FAT4: variants seen among roughly 807,000 people sequenced by gnomAD.
FAT4 encodes the protein protocadherin Fat 4.
FAT4 carries 84 observed loss-of-function variants against 303.9 expected under a neutral mutation model. That is an observed-to-expected ratio of 0.28 (90% CI 0.23 to 0.33). The LOEUF (loss-of-function observed/expected upper bound fraction) is 0.33. FAT4 is among the 10% of genes least tolerant of loss of function. FAT4 has a pLI of 1.00. For synonymous variants in FAT4, 2,307 were observed against 2,298.8 expected (o/e 1.00, Z -0.10); for missense variants, 6,005 against 6,146.8 (o/e 0.98, Z 0.77).
At chr4:125,353,108 A>G (rs565692762) in intron 2 of FAT4, among the ~76,000 whole-genome samples, 1 of 151,786 alleles carries the variant, frequency 6.6e-6, no homozygotes, top group Non-Finnish European at 1.5e-5. Flanking sequence ...AAACATTGTT[A>G]ATACTAATAA....
In FAT4 at chr4:125,318,720, A is replaced by T. The variant is rs200550937; in HGVS notation, c.2309A>T (p.Asn770Ile). 9.3e-6 allele frequency: 15 copies of T among 1,614,056 alleles called. No individual in the cohort carries two copies. The highest frequency in any genetic ancestry group is 1.3e-5 in the Non-Finnish European group (15 of 1,179,946). The change falls in exon 2 of 18, where the codon AAT (asparagine) becomes ATT (isoleucine). Residue 770 changes from asparagine to isoleucine, a missense_variant. Coordinates refer to ENST00000394329, the MANE Select transcript of FAT4 (RefSeq NM_001291303.3). ...QLQIVATDGGNLQSPNQAIVT... is the reference protein window; with the variant it reads ...QLQIVATDGGILQSPNQAIVT... ...CAAATAGTAGCTACTGATGGTGGCA[A>T]TTTACAATCTCCCAACCAGGCAATA...
chr4:125,320,640 T>C lies in FAT4; in HGVS notation c.4229T>C (p.Val1410Ala), dbSNP rs1388012345. Residue 1410 changes from valine to alanine, a missense_variant, in exon 2 of 18, where the codon GTG becomes GCG. By Grantham distance (64) the Val-to-Ala change is moderately conservative. Coordinates refer to ENST00000394329, the MANE Select transcript of FAT4 (RefSeq NM_001291303.3). ...TCTACAATGTCAGTGGTTATTCACG[T>C]GAGGGACTTTAATGACAATCCTCCT... The part of the protein sequence containing the change: ...RSSTMSVVIH[V>A]RDFNDNPPSF... 6.2e-7 allele frequency: 1 copy of C among 1,613,970 alleles called. No individual in the cohort carries two copies. The highest frequency in any genetic ancestry group is 8.5e-7 in the Non-Finnish European group (1 of 1,179,958).
At chr4:125,477,020 C>A in intron 13 of FAT4, 135 bp from the exon 14 acceptor site, 1 of 564,122 alleles carries the variant, frequency 1.8e-6, no homozygotes, top group Non-Finnish European at 2.7e-6. Flanking sequence ...CACTCTTCTA[C>A]ATATTTTCCA....
intron 2 of FAT4, among the ~76,000 whole-genome samples, chr4:125,322,109 A>T (rs1053279732): frequency 2.6e-5 from 4 of 152,196 alleles, no homozygotes; most frequent in Non-Finnish European, 5.9e-5. Flanking sequence ...TTCTTTATAG[A>T]CAGTGACTAA....
intron 14 of FAT4, 64 bp from the exon 15 acceptor site, chr4:125,479,677 G>A: frequency 1.4e-6 from 2 of 1,413,322 alleles, no homozygotes. Context: ...AGTGTATATT[G>A]AGTTTTAGCA....
rs1324993815 is a variant in FAT4, at chr4:125,490,815, A to G, written c.13999A>G (p.Met4667Val). The change falls in exon 18 of 18, where the codon ATG becomes GTG. Residue 4667 changes from methionine (M) to valine (V), a missense_variant. Transcript: ENST00000394329. The stretch of plus-strand genomic sequence containing the variant: ...CCTAGGCTTTGCAAGGCAATCCCCC[A>G]TGCCCTTAGGAGCAAGCAGTTTGAC... ...SPLGFARQSP[M>V]PLGASSLTYQ... 4.3e-6 allele frequency: 7 copies of G among 1,613,974 alleles called. No individual in the cohort carries two copies. The highest frequency in any genetic ancestry group is 5.1e-6 in the Non-Finnish European group (6 of 1,180,018).
At position 125,320,082 on chromosome 4, in the gene FAT4, C is replaced by T; in HGVS notation, c.3671C>T (p.Ala1224Val). Residue 1224 changes from alanine (A) to valine (V), a missense_variant, in exon 2 of 18, where the codon GCC becomes GTC. By Grantham distance (64) the Ala-to-Val change is moderately conservative. Transcript: ENST00000394329. ...CAAGCTACAATATCAGAATCAGCAG[C>T]CAATCTGACACAAGTGTTAAGAGTA... The part of the protein sequence containing the change: ...FYQATISESA[A>V]NLTQVLRVSA... The T allele has an allele frequency of 6.2e-7, 1 of 1,613,666 alleles. No individual in the cohort carries two copies. The highest frequency in any genetic ancestry group is 8.5e-7 in the Non-Finnish European group (1 of 1,179,726).
At chr4:125,483,661 T>C (rs1346535411) in intron 16 of FAT4, among the ~76,000 whole-genome samples, 2 of 151,974 alleles carry the variant, frequency 1.3e-5, no homozygotes, top group East Asian at 1.9e-4. Context: ...TGCAAATTAA[T>C]AAAAAAATGA....
intron 16 of FAT4, among the ~76,000 whole-genome samples, chr4:125,483,010 C>T (rs915043089): frequency 1.3e-5 from 2 of 152,122 alleles, no homozygotes; most frequent in African/African-American, 4.8e-5. Flanking sequence ...GTACTTCTGG[C>T]GTCTAGCGGT....
Position 125,317,392 on chromosome 4 carries a change from C to G in FAT4, c.981C>G (p.Asp327Glu). The change falls in exon 2 of 18, where the codon GAC (aspartate) becomes GAG (glutamate). Residue 327 changes from aspartate to glutamate, a missense_variant. Asp to Glu is a conservative substitution (Grantham distance 45). Coordinates refer to ENST00000394329, the MANE Select transcript of FAT4 (RefSeq NM_001291303.3). The surrounding 1 kb of genome is among the most constrained non-coding windows in gnomAD (Gnocchi z 7.0). ...RQYSLTVQAM[D>E]RGVPSLTGRA... The stretch of plus-strand genomic sequence containing the variant: ...ACTCGCTTACGGTGCAGGCGATGGA[C>G]AGAGGCGTGCCTTCCCTCACTGGGC... The G allele has an allele frequency of 6.2e-7, 1 of 1,613,526 alleles. No individual in the cohort carries two copies. Among genetic ancestry groups the G allele is most frequent in the East Asian group, 2.2e-5 (1 of 44,864 alleles).
chr4:125,465,918 T>C (rs1560625467), intron 11 of FAT4, among the ~76,000 whole-genome samples: 1 of 152,152 alleles, frequency 6.6e-6, no homozygotes, highest in Non-Finnish European at 1.5e-5. Context: ...ATGATTTTTG[T>C]TCTCAAATGG....
At chr4:125,354,492 C>T (rs756514444) in intron 2 of FAT4, among the ~76,000 whole-genome samples, 16 of 151,706 alleles carry the variant, frequency 1.1e-4, no homozygotes, top group Non-Finnish European at 1.9e-4. Context: ...AACACGCTCT[C>T]ACTCTGATGT....
At chr4:125,411,742 A>G (rs1206160187) in intron 5 of FAT4, among the ~76,000 whole-genome samples, 1 of 148,092 alleles carries the variant, frequency 6.8e-6, no homozygotes, top group African/African-American at 2.4e-5. Flanking sequence ...ATATATTTTT[A>G]TATATTTATA....
Position 125,450,608 on chromosome 4 carries a change from G to T in FAT4, c.9598G>T (p.Asp3200Tyr), listed in dbSNP as rs753429462. The T allele has an allele frequency of 8.1e-6, 13 of 1,614,080 alleles. No individual in the cohort carries two copies. In the South Asian group the frequency reaches 1.2e-4, roughly 15 times the overall value. The change falls in exon 10 of 18, where the codon GAC becomes TAC. Residue 3200 changes from aspartate to tyrosine, a missense_variant. Asp to Tyr is a radical substitution (Grantham distance 160). Coordinates refer to ENST00000394329, the MANE Select transcript of FAT4 (RefSeq NM_001291303.3). ...NDNSPVFLSDDYFPTVLENAP... is the reference protein window; with the variant it reads ...NDNSPVFLSDYYFPTVLENAP... Reference sequence around the variant, plus strand: ...TAATTCTCCAGTATTCCTCTCTGATGACTATTTCCCTACTGTTTTGGAAAA... The same window carrying T: ...TAATTCTCCAGTATTCCTCTCTGATTACTATTTCCCTACTGTTTTGGAAAA...
In FAT4 at chr4:125,449,529, C is replaced by A; in HGVS notation, c.8519C>A (p.Thr2840Lys). The part of the protein sequence containing the change: ...VISRPLNRED[T>K]DRYRIRVSAH... ...AGCAGACCTTTAAATAGGGAAGATACAGACCGTTACAGAATTCGAGTTTCC... is the reference window on the plus strand; with the variant it reads ...AGCAGACCTTTAAATAGGGAAGATAAAGACCGTTACAGAATTCGAGTTTCC... The change falls in exon 10 of 18, where the codon ACA becomes AAA. Residue 2840 changes from threonine to lysine, a missense_variant. By Grantham distance (78) the Thr-to-Lys change is moderately conservative. Transcript: ENST00000394329. The A allele has an allele frequency of 2.5e-6, 4 of 1,613,638 alleles. No individual in the cohort carries two copies. The South Asian group carries it at 4.4e-5, about 18-fold the overall frequency.
Position 125,451,427 on chromosome 4 carries a change from G to A in FAT4, c.10417G>A (p.Glu3473Lys). 6.2e-7 allele frequency: 1 copy of A among 1,614,134 alleles called. No homozygotes were observed. Among genetic ancestry groups the A allele is most frequent in the Non-Finnish European group, 8.5e-7 (1 of 1,180,026 alleles). ...CACCGTTACTGCAGAATTAGATCGAGAAACCCTTCCCATCTATAATCTCTC... is the reference window on the plus strand; with the variant it reads ...CACCGTTACTGCAGAATTAGATCGAAAAACCCTTCCCATCTATAATCTCTC... ...QITVTAELDR[E>K]TLPIYNLSVL... The change falls in exon 10 of 18, where the codon GAA becomes AAA. Residue 3473 changes from glutamate (E) to lysine (K), a missense_variant. Glu to Lys is a moderately conservative substitution (Grantham distance 56). Coordinates refer to ENST00000394329, the MANE Select transcript of FAT4 (RefSeq NM_001291303.3).
At position 125,450,560 on chromosome 4, in the gene FAT4, G is replaced by C. The variant is rs760921459; in HGVS notation, c.9550G>C (p.Val3184Leu). 14 of 1,613,984 alleles carry C rather than the reference G, an allele frequency of 8.7e-6. No homozygotes were observed. The South Asian group carries it at 1.5e-4, about 18-fold the overall frequency. ...AAGAACTGGTTACTGCAGTGTGACC[G>C]TAAATGTGATTGATGTGAATGATAA... Reference protein sequence around the residue: ...VARTGYCSVTVNVIDVNDNSP... With the variant: ...VARTGYCSVTLNVIDVNDNSP... Residue 3184 changes from valine to leucine, a missense_variant, in exon 10 of 18, where the codon GTA (valine) becomes CTA (leucine). Val to Leu is a conservative substitution (Grantham distance 32). Transcript: ENST00000394329.
intron 14 of FAT4, among the ~76,000 whole-genome samples, chr4:125,479,429 T>C (rs1049492883): frequency 1.3e-5 from 2 of 152,180 alleles, no homozygotes; most frequent in Non-Finnish European, 2.9e-5. Flanking sequence ...CCCTGGATCA[T>C]ATGTATTAAC....
At chr4:125,432,438 A>T (rs778273685) in intron 7 of FAT4, among the ~76,000 whole-genome samples, 1 of 152,226 alleles carries the variant, frequency 6.6e-6, no homozygotes, top group Non-Finnish European at 1.5e-5. Flanking sequence ...ATATCTAAGG[A>T]CTAAACAAAT....
Sources: allele counts gnomAD v4.1 joint callset (sites outside exome capture counted in the v4.1 genomes callset), GRCh38; gene constraint gnomAD v4.1.1; non-coding constraint Gnocchi (gnomAD v3.1); transcripts MANE v1.5; gene names NCBI Gene and HGNC (gene_info 2026-07-23, HGNC 2026-07-21).